TESK2: variants seen among roughly 807,000 people sequenced by gnomAD.
The protein encoded by TESK2 is testis associated actin remodelling kinase 2.
TESK2 carries 39 observed loss-of-function variants against 57.1 expected under a neutral mutation model. The observed-to-expected ratio is 0.68, with a 90% CI of 0.53 to 0.89. The LOEUF (loss-of-function observed/expected upper bound fraction) is 0.89, where lower values mean the gene tolerates loss of function less well. Among genes scored for constraint, TESK2 ranks in the 40% least tolerant of loss-of-function variants. The pLI, the probability that TESK2 is intolerant of heterozygous loss-of-function variation, is 0.00. For missense variants in TESK2, 646 were observed against 732.1 expected (o/e 0.88, Z 1.36); for synonymous variants, 249 against 267.9 (o/e 0.93, Z 0.69).
rs879279087 is a variant in TESK2, at chr1:45,422,758, T to TG, written c.223-913_223-912insC. On this transcript the variant is annotated intron_variant, in intron 2 of 10. Coordinates refer to ENST00000372086, the MANE Select transcript of TESK2 (RefSeq NM_007170.3). ...CATGCCCAGCCAATCATGTCTGGTT[T>TG]TTTGTTGTTGTTGTTGTTGTTTTTG... is the stretch of plus-strand genomic sequence containing the variant. Among the ~76,000 whole-genome samples, 924 of 129,012 alleles carry TG rather than the reference T, an allele frequency of 7.2e-3. 12 individuals carry two copies. Among genetic ancestry groups the TG allele is most frequent in the East Asian group, 0.046 (202 of 4,368 alleles). The allele number at this position is 129,012 out of a possible 152,430, so 84.6% of individuals were successfully genotyped here.
At chr1:45,433,407 T>A (rs1651063162) in intron 2 of TESK2, among the ~76,000 whole-genome samples, 1 of 152,074 alleles carries the variant, frequency 6.6e-6, no homozygotes, top group Admixed American at 6.6e-5. Flanking sequence ...TCCAACTATA[T>A]GTTTGTACCT....
intron 2 of TESK2, among the ~76,000 whole-genome samples, chr1:45,433,221 C>T (rs188377235): frequency 6.6e-6 from 1 of 151,560 alleles, no homozygotes; most frequent in Non-Finnish European, 1.5e-5. Flanking sequence ...ACTACAGGCA[C>T]GTACCCACCA....
intron 1 of TESK2, among the ~76,000 whole-genome samples, chr1:45,489,204 C>T (rs909119565): frequency 4.6e-5 from 7 of 151,926 alleles, no homozygotes; most frequent in South Asian, 2.1e-4. Context: ...TGATAGTCAC[C>T]GCCCCCCACT....
intron 4 of TESK2, among the ~76,000 whole-genome samples, chr1:45,369,967 T>A (rs1648108523): frequency 6.6e-6 from 1 of 152,132 alleles, no homozygotes; most frequent in Non-Finnish European, 1.5e-5. Context: ...CACCTTGACC[T>A]CCCAAAGTGC....
At chr1:45,458,340 G>A (rs1477161026) in intron 1 of TESK2, among the ~76,000 whole-genome samples, 2 of 152,110 alleles carry the variant, frequency 1.3e-5, no homozygotes, top group South Asian at 2.1e-4. Flanking sequence ...CAAGGCAGGC[G>A]GATCACTTGA....
chr1:45,451,217 T>C (rs1651856180), intron 2 of TESK2, among the ~76,000 whole-genome samples: 1 of 152,124 alleles, frequency 6.6e-6, no homozygotes, highest in Admixed American at 6.6e-5. Flanking sequence ...AGTTTATATC[T>C]ACTTGTGTTT....
chr1:45,476,317 G>C (rs1652987588), intron 1 of TESK2, among the ~76,000 whole-genome samples: 1 of 151,864 alleles, frequency 6.6e-6, no homozygotes, highest in Admixed American at 6.6e-5. Flanking sequence ...AGACCAGCCT[G>C]AACAACATGA....
chr1:45,375,630 G>A (rs989718435), intron 4 of TESK2, among the ~76,000 whole-genome samples: 1 of 152,064 alleles, frequency 6.6e-6, no homozygotes, highest in African/African-American at 2.4e-5. Flanking sequence ...GGGTACAGTG[G>A]CTCATGCCTG....
chr1:45,350,893 T>G (rs1647221092), intron 5 of TESK2, among the ~76,000 whole-genome samples: 1 of 152,254 alleles, frequency 6.6e-6, no homozygotes, highest in African/African-American at 2.4e-5. Context: ...AGTCATTCTC[T>G]ACATCCCTCC....
chr1:45,406,782 ACACACTTACATAGCTTCAAAT>A (rs1000370608), intron 3 of TESK2, among the ~76,000 whole-genome samples: 8 of 152,176 alleles, frequency 5.3e-5, no homozygotes, highest in South Asian at 2.1e-4. Context: ...AACTTAAGTT[ACACACTTACATAGCTTCAAAT>A]AGGCATATAA....
At chr1:45,412,885 C>T (rs1006609388) in intron 3 of TESK2, among the ~76,000 whole-genome samples, 4 of 151,810 alleles carry the variant, frequency 2.6e-5, no homozygotes, top group East Asian at 3.9e-4. Flanking sequence ...CCAAGTGTGG[C>T]GGCATACGCC....
At chr1:45,395,539 C>T (rs945372698) in intron 3 of TESK2, among the ~76,000 whole-genome samples, 3 of 151,980 alleles carry the variant, frequency 2.0e-5, no homozygotes, top group African/African-American at 4.8e-5. Context: ...AATACCAGTT[C>T]AAATACTTCC....
chr1:45,422,085 C>G (rs1436297918), intron 2 of TESK2, among the ~76,000 whole-genome samples: 1 of 152,106 alleles, frequency 6.6e-6, no homozygotes, highest in African/African-American at 2.4e-5. Flanking sequence ...GAAAACATGT[C>G]TGATATACAC....
intron 3 of TESK2, among the ~76,000 whole-genome samples, chr1:45,389,902 T>C (rs998483935): frequency 2.6e-5 from 4 of 152,222 alleles, no homozygotes; most frequent in African/African-American, 9.6e-5. Flanking sequence ...ACATTATCCT[T>C]TACATGGCTA....
At chr1:45,386,062 G>A in intron 3 of TESK2, 102 bp from the exon 4 acceptor site, 1 of 802,802 alleles carries the variant, frequency 1.2e-6, no homozygotes, top group Non-Finnish European at 2.0e-6. Context: ...ACAACCTGTG[G>A]GGTGCGGCAT....
In TESK2 at chr1:45,344,816, A is replaced by T; in HGVS notation, c.*24T>A. 1.3e-6 allele frequency: 2 copies of T among 1,588,404 alleles called. No homozygotes were observed. Among genetic ancestry groups the T allele is most frequent in the Non-Finnish European group, 1.7e-6 (2 of 1,163,708 alleles). ...GGTTTCAGCTGAAGGTCCATCCCCA[A>T]GGTGAGGCAGGGACTAAACCCCCTC... On this transcript the variant is annotated 3_prime_UTR_variant, in exon 11 of 11. Coordinates refer to ENST00000372086, the MANE Select transcript of TESK2 (RefSeq NM_007170.3).
At chr1:45,398,811 G>A (rs149810679) in intron 3 of TESK2, 365 of 365,936 alleles carry the variant, frequency 1.0e-3, no homozygotes, top group African/African-American at 7.1e-3. Context: ...ATGGGCAGAA[G>A]TGATTATGTC....
At chr1:45,412,672 C>T (rs1288931927) in intron 3 of TESK2, among the ~76,000 whole-genome samples, 1 of 152,062 alleles carries the variant, frequency 6.6e-6, no homozygotes, top group Non-Finnish European at 1.5e-5. Context: ...GAATTGAAGG[C>T]ATATTTGGTG....
chr1:45,359,768 GCACGAGAAT>G (rs1647598544), intron 4 of TESK2, among the ~76,000 whole-genome samples: 1 of 152,032 alleles, frequency 6.6e-6, no homozygotes, highest in African/African-American at 2.4e-5. Context: ...GGAGGCTGAG[GCACGAGAAT>G]CACTTGAACC....
Sources: gnomAD v4.1 joint callset for allele counts (sites outside exome capture counted in the v4.1 genomes callset) on GRCh38, gnomAD v4.1.1 for gene constraint, MANE v1.5 for transcripts, NCBI Gene and HGNC (gene_info 2026-07-23, HGNC 2026-07-21) for gene names.